The following TCF7L2 variants were observed in gnomAD, a reference collection of about 807,000 sequenced individuals.
TCF7L2 encodes the protein transcription factor 7 like 2, also known as transcription factor 7-like 2.
A neutral mutation model predicts 77.9 loss-of-function variants in TCF7L2; 23 were observed. The ratio of observed to expected loss-of-function variants is 0.30; its 90% CI spans 0.21 to 0.42. The LOEUF (loss-of-function observed/expected upper bound fraction) is 0.42. Among genes scored for constraint, TCF7L2 ranks in the 10% least tolerant of loss-of-function variants. The pLI is 1.00. For missense variants in TCF7L2, 654 were observed against 793.1 expected, an observed-to-expected ratio of 0.82 and a Z score of 2.11; for synonymous variants, 413 against 340.2, an observed-to-expected ratio of 1.21 and a Z score of -2.36.
intron 5 of TCF7L2, among the ~76,000 whole-genome samples, chr10:113,070,361 G>A (rs1045805762): frequency 7.3e-5 from 11 of 150,860 alleles, no homozygotes; most frequent in African/African-American, 2.7e-4. Flanking sequence ...TATCTGCTGG[G>A]TGTTCAGTAT....
chr10:112,993,349 T>A (rs1431429241), intron 4 of TCF7L2, among the ~76,000 whole-genome samples: 1 of 151,338 alleles, frequency 6.6e-6, no homozygotes, highest in Non-Finnish European at 1.5e-5. Context: ...CTACTAAAAA[T>A]ACAAAAATTA....
At chr10:113,089,322 T>A (rs2060133924) in intron 5 of TCF7L2, 4 of 1,503,848 alleles carry the variant, frequency 2.7e-6, no homozygotes, top group Non-Finnish European at 3.6e-6. Flanking sequence ...AAAGGAAGGC[T>A]GGGGGCTGTG....
At chr10:112,962,637 C>G (rs559080105) in intron 3 of TCF7L2, among the ~76,000 whole-genome samples, 1 of 152,162 alleles carries the variant, frequency 6.6e-6, no homozygotes, top group East Asian at 1.9e-4. Flanking sequence ...TCACTCTTAC[C>G]GCCTAGGCTG....
At chr10:113,080,046 A>C (rs1240880404) in intron 5 of TCF7L2, among the ~76,000 whole-genome samples, 1 of 152,008 alleles carries the variant, frequency 6.6e-6, no homozygotes, top group Non-Finnish European at 1.5e-5. Context: ...CTGTACACAC[A>C]CACATGCACC....
chr10:112,959,060 CCAGA>C (rs753567122), intron 3 of TCF7L2, among the ~76,000 whole-genome samples: 159 of 152,202 alleles, frequency 1.0e-3, no homozygotes, highest in Non-Finnish European at 1.6e-3. Context: ...ATTTTTTCCC[CCAGA>C]CAGTTTAAGA....
chr10:113,020,329 A>G (rs2048078927), intron 4 of TCF7L2, among the ~76,000 whole-genome samples: 1 of 152,078 alleles, frequency 6.6e-6, no homozygotes, highest in African/African-American at 2.4e-5. Flanking sequence ...GGTCATGGGC[A>G]CCATCTCAGG....
At chr10:113,029,155 AG>A (rs1289503605) in intron 4 of TCF7L2, among the ~76,000 whole-genome samples, 2 of 152,224 alleles carry the variant, frequency 1.3e-5, no homozygotes, top group African/African-American at 4.8e-5. Flanking sequence ...CTGAGGTCAC[AG>A]GGTACTAGAG....
At chr10:113,018,747 C>T (rs150821364) in intron 4 of TCF7L2, among the ~76,000 whole-genome samples, 2,370 of 152,144 alleles carry the variant, frequency 0.016, 69 homozygotes, top group African/African-American at 0.054. Context: ...GGATTACAGG[C>T]GTGAGCCACT....
chr10:113,002,024 A>G (rs376885450), intron 4 of TCF7L2, among the ~76,000 whole-genome samples: 1 of 152,176 alleles, frequency 6.6e-6, no homozygotes, highest in Non-Finnish European at 1.5e-5. Context: ...GAAATGGCAC[A>G]GTACTACCCT....
chr10:113,103,641 T>C (rs945214975), intron 5 of TCF7L2, among the ~76,000 whole-genome samples: 4 of 152,136 alleles, frequency 2.6e-5, no homozygotes, highest in Non-Finnish European at 4.4e-5. Context: ...TTGCCAGTGA[T>C]AGGAGGGGTT....
intron 5 of TCF7L2, among the ~76,000 whole-genome samples, chr10:113,135,101 T>A (rs1439092162): frequency 6.6e-6 from 1 of 151,906 alleles, no homozygotes; most frequent in African/African-American, 2.4e-5. Flanking sequence ...GGGGTCGGGG[T>A]GAGAGGGGGA....
rs138464865 is a variant in TCF7L2, at chr10:113,069,913, C to T, written c.552+29787C>T. Among the ~76,000 whole-genome samples, 202 of 152,156 alleles carry T rather than the reference C, an allele frequency of 1.3e-3. 1 individual carries two copies. The highest frequency in any genetic ancestry group is 4.6e-3 in the African/African-American group (189 of 41,486). ...TAGCGGCTCCCACTGGATCACATGGCTGGTCGGTGTCAGGGAGATCACTGT... is the reference window on the plus strand; with the variant it reads ...TAGCGGCTCCCACTGGATCACATGGTTGGTCGGTGTCAGGGAGATCACTGT... On this transcript the variant is annotated intron_variant, in intron 5 of 13. Transcript: ENST00000627217.
chr10:113,035,554 C>T (rs958318382), intron 4 of TCF7L2, among the ~76,000 whole-genome samples: 2 of 152,234 alleles, frequency 1.3e-5, no homozygotes, highest in Non-Finnish European at 2.9e-5. Context: ...TGGGCTCTAG[C>T]AATCCTCCTG....
intron 4 of TCF7L2, among the ~76,000 whole-genome samples, chr10:112,997,799 C>T (rs1012332412): frequency 1.3e-5 from 2 of 152,180 alleles, no homozygotes; most frequent in Non-Finnish European, 2.9e-5. Flanking sequence ...ACACTGAGAC[C>T]TAATTTCATA....
At chr10:113,137,411 T>G (rs2067586994) in intron 5 of TCF7L2, among the ~76,000 whole-genome samples, 2 of 152,362 alleles carry the variant, frequency 1.3e-5, no homozygotes, top group Admixed American at 1.3e-4. Flanking sequence ...TCATTCAGTT[T>G]TCACAACTCT....
At chr10:113,096,886 G>A (rs1179444877) in intron 5 of TCF7L2, among the ~76,000 whole-genome samples, 3 of 152,166 alleles carry the variant, frequency 2.0e-5, no homozygotes, top group Non-Finnish European at 2.9e-5. Flanking sequence ...AGAGAAAGAA[G>A]AAATAAGAGG....
At chr10:113,063,067 A>G (rs1415696734) in intron 5 of TCF7L2, among the ~76,000 whole-genome samples, 1 of 152,174 alleles carries the variant, frequency 6.6e-6, no homozygotes, top group Non-Finnish European at 1.5e-5. Context: ...TCTGTCTCCT[A>G]CTTTTACTGG....
chr10:113,141,604 A>G (rs534413939), intron 6 of TCF7L2, among the ~76,000 whole-genome samples: 2 of 152,250 alleles, frequency 1.3e-5, no homozygotes, highest in East Asian at 3.9e-4. Context: ...GAACCTGGCT[A>G]TGAGTCCTCA....
chr10:113,140,161 G>A (rs1011897023), intron 5 of TCF7L2, among the ~76,000 whole-genome samples: 1 of 152,094 alleles, frequency 6.6e-6, no homozygotes, highest in Non-Finnish European at 1.5e-5. Flanking sequence ...TCAGTAAATG[G>A]CCCAGTAGTT....
Sources: allele counts gnomAD v4.1 joint callset (sites outside exome capture counted in the v4.1 genomes callset), GRCh38; gene constraint gnomAD v4.1.1; transcripts MANE v1.5; gene names NCBI Gene and HGNC (gene_info 2026-07-23, HGNC 2026-07-21).